The following CYSTM1 variants were observed in gnomAD, a reference collection of about 807,000 sequenced individuals.
CYSTM1 encodes cysteine-rich transmembrane module-containing protein 1.
Under a neutral mutation model 13.1 loss-of-function variants are expected in CYSTM1, and 4 were observed. The observed-to-expected ratio is 0.31, with a 90% CI of 0.15 to 0.70. The LOEUF (loss-of-function observed/expected upper bound fraction) is 0.70. Among genes scored for constraint, CYSTM1 ranks in the 30% least tolerant of loss-of-function variants. CYSTM1 has a pLI of 0.72. For missense variants in CYSTM1, 96 were observed against 121.6 expected (o/e 0.79, Z 0.99); for synonymous variants, 36 against 42.7 (o/e 0.84, Z 0.62).
chr5:140,242,934 T>C (rs1294173297), intron 2 of CYSTM1, among the ~76,000 whole-genome samples: 1 of 152,172 alleles, frequency 6.6e-6, no homozygotes, highest in Non-Finnish European at 1.5e-5. Context: ...TATTCTTGGG[T>C]GATGGGTCAG....
At chr5:140,204,725 T>C (rs527331154) in intron 2 of CYSTM1, among the ~76,000 whole-genome samples, 1 of 152,286 alleles carries the variant, frequency 6.6e-6, no homozygotes, top group South Asian at 2.1e-4. Flanking sequence ...AAAGACGTTT[T>C]TTTCTTCTTT....
chr5:140,208,773 C>T (rs1224840597), intron 2 of CYSTM1, among the ~76,000 whole-genome samples: 1 of 152,140 alleles, frequency 6.6e-6, no homozygotes, highest in Non-Finnish European at 1.5e-5. Context: ...GGTGTGGTGG[C>T]TCACGCCTAT....
At chr5:140,217,173 C>A (rs1159225579) in intron 2 of CYSTM1, among the ~76,000 whole-genome samples, 1 of 152,068 alleles carries the variant, frequency 6.6e-6, no homozygotes, top group Non-Finnish European at 1.5e-5. Context: ...CCTGGGATAC[C>A]TTTTCAGCCT....
intron 2 of CYSTM1, among the ~76,000 whole-genome samples, chr5:140,207,262 TG>T: frequency 6.6e-6 from 1 of 152,270 alleles, no homozygotes; most frequent in East Asian, 1.9e-4. Flanking sequence ...AGGCTGCTTA[TG>T]GGGTCCTTCT....
intron 2 of CYSTM1, among the ~76,000 whole-genome samples, chr5:140,240,908 G>A (rs1205238631): frequency 1.3e-5 from 2 of 152,154 alleles, no homozygotes; most frequent in Non-Finnish European, 2.9e-5. Context: ...CAGAGATTCT[G>A]TCCTCAGCTA....
At chr5:140,178,270 C>T (rs978686588) in intron 1 of CYSTM1, among the ~76,000 whole-genome samples, 5 of 152,062 alleles carry the variant, frequency 3.3e-5, no homozygotes, top group African/African-American at 9.7e-5. Context: ...GGGTCAGTAC[C>T]TCCTCACAGA....
intron 2 of CYSTM1, among the ~76,000 whole-genome samples, chr5:140,233,430 G>A (rs1764639961): frequency 6.6e-6 from 1 of 152,184 alleles, no homozygotes; most frequent in Non-Finnish European, 1.5e-5. Context: ...CTACCTCTGA[G>A]TGATTATGAA....
intron 1 of CYSTM1, among the ~76,000 whole-genome samples, chr5:140,183,109 A>C (rs933885605): frequency 2.0e-5 from 3 of 152,218 alleles, no homozygotes; most frequent in African/African-American, 7.2e-5. Flanking sequence ...AGCCTAATCT[A>C]ATGCTCTGGG....
At chr5:140,226,601 TATATATATATAAA>T (rs1469890377) in intron 2 of CYSTM1, among the ~76,000 whole-genome samples, 2 of 113,426 alleles carry the variant, frequency 1.8e-5, no homozygotes, top group African/African-American at 6.7e-5. Flanking sequence ...TATATATATA[TATATATATATAAA>T]AATTAGCCAG....
intron 2 of CYSTM1, among the ~76,000 whole-genome samples, chr5:140,222,031 C>T (rs1764498406): frequency 1.3e-5 from 2 of 152,240 alleles, no homozygotes; most frequent in Admixed American, 1.3e-4. Flanking sequence ...GCCTTACTAC[C>T]GCCAGCTTGC....
chr5:140,183,175 G>A (rs1763978601), intron 1 of CYSTM1, among the ~76,000 whole-genome samples: 1 of 152,228 alleles, frequency 6.6e-6, no homozygotes, highest in African/African-American at 2.4e-5. Flanking sequence ...ACCTGGCCTG[G>A]GAAGTGGCCT....
At position 140,187,003 on chromosome 5, in the gene CYSTM1, G is replaced by A. The variant is rs113450108; in HGVS notation, c.-20-7443G>A. On this transcript the variant is annotated intron_variant, in intron 1 of 2. Coordinates refer to ENST00000261811, the MANE Select transcript of CYSTM1 (RefSeq NM_032412.4). ...TAGCCAGCCATGGTGGTGCACGCCT[G>A]TAATCCCAGCTGCCCTGGAGGCTGA... 7.7e-3 allele frequency among the ~76,000 whole-genome samples: 1,179 copies of A among 152,200 alleles called. 11 individuals are homozygous for A. The highest frequency in any genetic ancestry group is 0.027 in the African/African-American group (1,111 of 41,522).
At chr5:140,221,887 CACA>C (rs1194222186) in intron 2 of CYSTM1, among the ~76,000 whole-genome samples, 3 of 152,226 alleles carry the variant, frequency 2.0e-5, no homozygotes, top group African/African-American at 7.2e-5. Flanking sequence ...GATAGGCTTT[CACA>C]ACATTTTATA....
chr5:140,195,142 G>C (rs944648166), intron 2 of CYSTM1, among the ~76,000 whole-genome samples: 1 of 152,016 alleles, frequency 6.6e-6, no homozygotes, highest in Non-Finnish European at 1.5e-5. Context: ...AGTCCTTCTT[G>C]TGTGCTATAG....
rs140717229 is a variant in CYSTM1 at position 140,224,217 on chromosome 5, G to A, written c.188-19088G>A. Among the ~76,000 whole-genome samples the A allele has an allele frequency of 9.4e-3, 1,429 of 152,178 alleles. 11 individuals are homozygous for A. Among genetic ancestry groups the A allele is most frequent in the Non-Finnish European group, 0.012 (833 of 68,002 alleles). On this transcript the variant is annotated intron_variant, in intron 2 of 2. Transcript: ENST00000261811. Reference sequence around the variant, plus strand: ...TGCAGTGGCGAAATCTCGGCTCACCGCAACCTCTGCCTCCCGGGTTCAAGC... The same window carrying A: ...TGCAGTGGCGAAATCTCGGCTCACCACAACCTCTGCCTCCCGGGTTCAAGC...
intron 2 of CYSTM1, among the ~76,000 whole-genome samples, chr5:140,237,438 A>G (rs1764695478): frequency 6.6e-6 from 1 of 152,236 alleles, no homozygotes; most frequent in Admixed American, 6.5e-5. Flanking sequence ...GTGACAGGCC[A>G]GGACCTGCCT....
chr5:140,180,801 T>C (rs571386193), intron 1 of CYSTM1, among the ~76,000 whole-genome samples: 1 of 152,336 alleles, frequency 6.6e-6, no homozygotes, highest in East Asian at 1.9e-4. Flanking sequence ...TTTATATTTT[T>C]CTAAACTCTT....
chr5:140,188,672 G>T (rs1332398189), intron 1 of CYSTM1, among the ~76,000 whole-genome samples: 1 of 151,816 alleles, frequency 6.6e-6, no homozygotes, highest in Non-Finnish European at 1.5e-5. Context: ...TCAGCTACTC[G>T]GGAGGCTGAA....
chr5:140,175,292 T>G lies in CYSTM1; in HGVS notation c.-21+7T>G, dbSNP rs1480775514. 1 of 152,318 alleles carries G rather than the reference T, an allele frequency of 6.6e-6. No individual in the cohort carries two copies. The highest frequency in any genetic ancestry group is 1.9e-4 in the East Asian group (1 of 5,186). 9.4% of individuals were successfully genotyped at this position (152,318 alleles called of 1,614,324 possible). On this transcript the variant is annotated splice_region_variant and intron_variant, in intron 1 of 2. Transcript: ENST00000261811. The surrounding 1 kb of genome is among the most constrained non-coding windows in gnomAD (Gnocchi z 4.9). ...CGGTTCGTGGAGAGGAGAGGTGAGGTGCAGCGGACCTGGCCCGACCCAGCT... is the reference window on the plus strand; with the variant it reads ...CGGTTCGTGGAGAGGAGAGGTGAGGGGCAGCGGACCTGGCCCGACCCAGCT...
Sources: allele counts gnomAD v4.1 joint callset (sites outside exome capture counted in the v4.1 genomes callset), GRCh38; gene constraint gnomAD v4.1.1; non-coding constraint Gnocchi (gnomAD v3.1); transcripts MANE v1.5; gene names NCBI Gene and HGNC (gene_info 2026-07-23, HGNC 2026-07-21).